The following DGKI variants were observed in gnomAD, a reference collection of about 807,000 sequenced individuals.
DGKI encodes the protein diacylglycerol kinase iota, also known as DAG kinase iota.
A neutral mutation model predicts 147.5 loss-of-function variants in DGKI; 55 were observed. That is an observed-to-expected ratio of 0.37 (90% CI 0.30 to 0.47). DGKI has a LOEUF of 0.47. Ranked by LOEUF, DGKI falls within the 20% of genes least tolerant of loss-of-function variation. The pLI is 1.00. For missense variants in DGKI, 1,007 were observed against 1,323.8 expected, an observed-to-expected ratio of 0.76 and a Z score of 3.71; for synonymous variants, 469 against 477.1, an observed-to-expected ratio of 0.98 and a Z score of 0.22.
At chr7:137,764,397 G>A (rs1795946942) in intron 1 of DGKI, among the ~76,000 whole-genome samples, 1 of 152,206 alleles carries the variant, frequency 6.6e-6, no homozygotes, top group South Asian at 2.1e-4. Flanking sequence ...AAAAGAATTT[G>A]CAGAGAGCCA....
intron 1 of DGKI, among the ~76,000 whole-genome samples, chr7:137,781,329 G>GGGA (rs1248599683): frequency 6.6e-6 from 1 of 152,126 alleles, no homozygotes; most frequent in Non-Finnish European, 1.5e-5. Context: ...TAGCAATGGG[G>GGGA]GGAGGGTATG....
chr7:137,704,361 CA>C (rs1450846092), intron 1 of DGKI, among the ~76,000 whole-genome samples: 7 of 151,886 alleles, frequency 4.6e-5, no homozygotes, highest in Non-Finnish European at 1.0e-4. Flanking sequence ...TTAAAAATAT[CA>C]AAACTGAAGT....
intron 1 of DGKI, among the ~76,000 whole-genome samples, chr7:137,719,917 G>A (rs73728809): frequency 1.4e-3 from 216 of 152,264 alleles, no homozygotes; most frequent in African/African-American, 4.9e-3. Flanking sequence ...ACATTTTCAT[G>A]GCTGCACAGA....
intron 1 of DGKI, among the ~76,000 whole-genome samples, chr7:137,766,348 C>G (rs1386784579): frequency 1.3e-5 from 2 of 152,182 alleles, no homozygotes; most frequent in Non-Finnish European, 2.9e-5. Context: ...CCTTCCCAAC[C>G]TCCAACATAA....
intron 1 of DGKI, among the ~76,000 whole-genome samples, chr7:137,762,656 C>T (rs1266909420): frequency 6.6e-6 from 1 of 152,188 alleles, no homozygotes; most frequent in Non-Finnish European, 1.5e-5. Flanking sequence ...ATTCAAGTAT[C>T]ACCTTCTCCA....
At chr7:137,397,172 C>G (rs1172049075) in intron 31 of DGKI, among the ~76,000 whole-genome samples, 1 of 152,228 alleles carries the variant, frequency 6.6e-6, no homozygotes, top group Non-Finnish European at 1.5e-5. Context: ...ACTATGGAGG[C>G]AAGCATTATG....
At chr7:137,788,902 A>C (rs556005152) in intron 1 of DGKI, among the ~76,000 whole-genome samples, 5 of 152,354 alleles carry the variant, frequency 3.3e-5, no homozygotes, top group African/African-American at 9.6e-5. Flanking sequence ...CAAAATGTTA[A>C]TCTTCAACAG....
chr7:137,557,394 A>G (rs1239530843), intron 19 of DGKI, among the ~76,000 whole-genome samples: 1 of 152,204 alleles, frequency 6.6e-6, no homozygotes, highest in Non-Finnish European at 1.5e-5. Flanking sequence ...GTGGAAATGA[A>G]TAACAGAACA....
At chr7:137,611,760 C>T (rs1413211770) in intron 8 of DGKI, among the ~76,000 whole-genome samples, 1 of 152,140 alleles carries the variant, frequency 6.6e-6, no homozygotes, top group Non-Finnish European at 1.5e-5. Flanking sequence ...AGCTGTGTGT[C>T]CCCAACACCG....
intron 1 of DGKI, chr7:137,722,905 T>G (rs1299492323): frequency 2.9e-5 from 18 of 626,118 alleles, no homozygotes; most frequent in Non-Finnish European, 4.3e-5. Context: ...AAAAAAAAAG[T>G]ATAGCATAGT....
intron 1 of DGKI, among the ~76,000 whole-genome samples, chr7:137,845,084 G>T (rs1798670540): frequency 6.6e-6 from 1 of 152,208 alleles, no homozygotes; most frequent in Non-Finnish European, 1.5e-5. Context: ...ATTTGGACCT[G>T]ATCTGTGTGA....
chr7:137,759,898 A>G (rs970350750), intron 1 of DGKI, among the ~76,000 whole-genome samples: 1 of 152,146 alleles, frequency 6.6e-6, no homozygotes, highest in Admixed American at 6.5e-5. Flanking sequence ...CTCATTCTCC[A>G]GAAGTAAAAA....
intron 1 of DGKI, among the ~76,000 whole-genome samples, chr7:137,768,308 A>G (rs1796078655): frequency 6.6e-6 from 1 of 152,242 alleles, no homozygotes; most frequent in Non-Finnish European, 1.5e-5. Flanking sequence ...ATAAATAAAT[A>G]CCAGAAGGAT....
At chr7:137,673,136 C>T (rs191097733) in intron 3 of DGKI, among the ~76,000 whole-genome samples, 2 of 152,244 alleles carry the variant, frequency 1.3e-5, no homozygotes, top group East Asian at 3.9e-4. Flanking sequence ...CACTCTACTC[C>T]AGATGAACTC....
chr7:137,627,806 G>C (rs1190140563), intron 6 of DGKI, among the ~76,000 whole-genome samples: 5 of 152,176 alleles, frequency 3.3e-5, no homozygotes, highest in African/African-American at 1.2e-4. Flanking sequence ...CAAAAGCTGA[G>C]GAGAGACGGC....
intron 8 of DGKI, among the ~76,000 whole-genome samples, chr7:137,617,487 GA>G (rs1820575270): frequency 6.6e-6 from 1 of 152,026 alleles, no homozygotes; most frequent in Non-Finnish European, 1.5e-5. Flanking sequence ...ATGGCATTTG[GA>G]TTTTTTTAAT....
intron 10 of DGKI, among the ~76,000 whole-genome samples, chr7:137,603,162 A>G (rs866333756): frequency 2.6e-5 from 4 of 152,186 alleles, no homozygotes; most frequent in Non-Finnish European, 4.4e-5. Context: ...GATGAACAAG[A>G]CAGAGATGAT....
intron 30 of DGKI, among the ~76,000 whole-genome samples, chr7:137,406,573 G>A (rs2090534715): frequency 6.6e-6 from 1 of 152,118 alleles, no homozygotes; most frequent in Admixed American, 6.6e-5. Context: ...AGGTGTTGAA[G>A]ACAAAGCAAG....
intron 30 of DGKI, among the ~76,000 whole-genome samples, chr7:137,404,242 A>T (rs1351538225): frequency 6.6e-6 from 1 of 152,216 alleles, no homozygotes; most frequent in African/African-American, 2.4e-5. Flanking sequence ...GCAACTAAAG[A>T]TATTAAAAAA....
Sources: allele counts gnomAD v4.1 joint callset (sites outside exome capture counted in the v4.1 genomes callset), GRCh38; gene constraint gnomAD v4.1.1; transcripts MANE v1.5; gene names NCBI Gene and HGNC (gene_info 2026-07-23, HGNC 2026-07-21).